The following PTDSS1 variants were observed in gnomAD, a reference collection of about 807,000 sequenced individuals.
PTDSS1 encodes the protein PSS-1.
Under a neutral mutation model 70.5 loss-of-function variants are expected in PTDSS1, and 45 were observed. The ratio of observed to expected loss-of-function variants is 0.64; its 90% CI spans 0.50 to 0.82. The LOEUF is 0.82. PTDSS1 is among the 40% of genes least tolerant of loss of function. PTDSS1 has a pLI of 0.00. For synonymous variants in PTDSS1, 188 were observed against 203.8 expected (o/e 0.92, Z 0.66); for missense variants, 417 against 586.1 (o/e 0.71, Z 2.98).
rs773518761 is a variant in PTDSS1 at position 96,262,990 on chromosome 8, T to C, written c.179+771T>C. Among the ~76,000 whole-genome samples, 30 of 152,204 alleles carry C rather than the reference T, an allele frequency of 2.0e-4. No homozygotes were observed. Among genetic ancestry groups the C allele is most frequent in the Admixed American group, 3.3e-4 (5 of 15,274 alleles). On this transcript the variant is annotated intron_variant, in intron 1 of 12. Coordinates refer to ENST00000517309, the MANE Select transcript of PTDSS1 (RefSeq NM_014754.3). This position sits in a 1 kb window ranked among gnomAD's most constrained non-coding sequence, Gnocchi z 4.4. ...GCCACACATCACGCGGTGCATACCC[T>C]GCTCACTCATTACCTAACATACGTG... is the stretch of plus-strand genomic sequence containing the variant.
intron 10 of PTDSS1, among the ~76,000 whole-genome samples, chr8:96,323,391 C>A (rs143985409): frequency 6.6e-6 from 1 of 152,220 alleles, no homozygotes; most frequent in Non-Finnish European, 1.5e-5. Context: ...GGCAGTTCGC[C>A]GCATCCTTTG....
intron 12 of PTDSS1, among the ~76,000 whole-genome samples, chr8:96,331,665 T>C (rs1490265519): frequency 6.6e-6 from 1 of 152,154 alleles, no homozygotes; most frequent in South Asian, 2.1e-4. Context: ...AGAGGCTCCA[T>C]GTAGCTCTGC....
chr8:96,327,999 C>T (rs73277991), intron 10 of PTDSS1, among the ~76,000 whole-genome samples: 189 of 152,300 alleles, frequency 1.2e-3, no homozygotes, highest in African/African-American at 4.2e-3. Context: ...TCTTTGTACG[C>T]AGGTGAAGTA....
At chr8:96,268,222 T>G (rs1810515167) in intron 1 of PTDSS1, among the ~76,000 whole-genome samples, 1 of 152,208 alleles carries the variant, frequency 6.6e-6, no homozygotes, top group Non-Finnish European at 1.5e-5. Flanking sequence ...GATCATAACT[T>G]TCTATAAAAT....
chr8:96,317,342 T>C (rs1318489876), intron 9 of PTDSS1, among the ~76,000 whole-genome samples: 1 of 152,092 alleles, frequency 6.6e-6, no homozygotes, highest in Non-Finnish European at 1.5e-5. Context: ...TCTCATGAGA[T>C]GTGCCCACAC....
At chr8:96,263,616 C>T (rs1324215347) in intron 1 of PTDSS1, among the ~76,000 whole-genome samples, 2 of 152,122 alleles carry the variant, frequency 1.3e-5, no homozygotes, top group African/African-American at 2.4e-5. Flanking sequence ...TATTTTTATC[C>T]AACAATCAAG....
At chr8:96,270,378 G>T (rs1810547834) in intron 1 of PTDSS1, among the ~76,000 whole-genome samples, 1 of 152,124 alleles carries the variant, frequency 6.6e-6, no homozygotes, top group African/African-American at 2.4e-5. Flanking sequence ...TAAATCTCTG[G>T]ATTATTCGGG....
Position 96,262,241 on chromosome 8 carries a change from G to C in PTDSS1, c.179+22G>C, listed in dbSNP as rs1461721219. 5 of 1,605,772 alleles carry C rather than the reference G, an allele frequency of 3.1e-6. No individual in the cohort carries two copies. Among genetic ancestry groups the C allele is most frequent in the Admixed American group, 1.7e-5 (1 of 59,456 alleles). ...CCAGGTGGGGCGGCCCAGCCGAGCG[G>C]GGGGCGCGTCCAAGGGCTAGGGAAG... On this transcript the variant is annotated intron_variant, in intron 1 of 12. Transcript: ENST00000517309. The surrounding 1 kb of genome is among the most constrained non-coding windows in gnomAD (Gnocchi z 4.4).
chr8:96,264,463 C>T (rs1810459026), intron 1 of PTDSS1, among the ~76,000 whole-genome samples: 1 of 152,082 alleles, frequency 6.6e-6, no homozygotes, highest in African/African-American at 2.4e-5. Flanking sequence ...GATAAAAGCA[C>T]TGGAAAAATG....
intron 9 of PTDSS1, among the ~76,000 whole-genome samples, chr8:96,315,735 C>T (rs996972701): frequency 6.6e-6 from 1 of 152,154 alleles, no homozygotes; most frequent in Non-Finnish European, 1.5e-5. Context: ...GCCTTTTAAC[C>T]CTGCTAAACC....
intron 12 of PTDSS1, among the ~76,000 whole-genome samples, chr8:96,333,076 C>T (rs932152428): frequency 1.3e-5 from 2 of 152,266 alleles, no homozygotes; most frequent in African/African-American, 4.8e-5. Context: ...GGGATGGAAA[C>T]CCTTGGTTGC....
At chr8:96,319,939 C>T (rs969900724) in intron 9 of PTDSS1, among the ~76,000 whole-genome samples, 5 of 152,138 alleles carry the variant, frequency 3.3e-5, no homozygotes, top group East Asian at 1.9e-4. Flanking sequence ...CCAGCAGAGG[C>T]GGCGTGATCA....
At chr8:96,320,054 A>C (rs1415529119) in intron 9 of PTDSS1, among the ~76,000 whole-genome samples, 192 bp from the exon 10 acceptor site, 1 of 152,182 alleles carries the variant, frequency 6.6e-6, no homozygotes, top group Non-Finnish European at 1.5e-5. Flanking sequence ...AAGAGGTGAA[A>C]AATACTTTAT....
At chr8:96,323,481 C>T (rs1377157183) in intron 10 of PTDSS1, among the ~76,000 whole-genome samples, 2 of 152,220 alleles carry the variant, frequency 1.3e-5, no homozygotes, top group East Asian at 3.9e-4. Flanking sequence ...ATGGACACCA[C>T]CATGGGTTAT....
intron 1 of PTDSS1, among the ~76,000 whole-genome samples, chr8:96,264,970 C>A (rs1810465967): frequency 6.6e-6 from 1 of 152,112 alleles, no homozygotes; most frequent in Admixed American, 6.5e-5. Flanking sequence ...AAATCATAAG[C>A]ACCATTAATA....
At chr8:96,327,835 G>GC (rs756332607) in intron 10 of PTDSS1, among the ~76,000 whole-genome samples, 28 of 151,896 alleles carry the variant, frequency 1.8e-4, no homozygotes, top group African/African-American at 3.9e-4. Context: ...GTTTCTTCTC[G>GC]CCCCCCCGCC....
intron 4 of PTDSS1, among the ~76,000 whole-genome samples, chr8:96,292,222 C>G (rs1810916676): frequency 6.7e-6 from 1 of 150,042 alleles, no homozygotes; most frequent in Non-Finnish European, 1.5e-5. Context: ...ATCATTTGAA[C>G]CCGGGAGGCG....
intron 6 of PTDSS1, among the ~76,000 whole-genome samples, chr8:96,302,129 C>G (rs1215588709): frequency 6.6e-6 from 1 of 152,106 alleles, no homozygotes; most frequent in South Asian, 2.1e-4. Context: ...AGCAGTTCTC[C>G]TGCATCAGCC....
At chr8:96,279,135 T>A (rs1171828085) in intron 2 of PTDSS1, among the ~76,000 whole-genome samples, 4 of 150,646 alleles carry the variant, frequency 2.7e-5, no homozygotes, top group African/African-American at 9.7e-5. Flanking sequence ...CACGCCCAGC[T>A]AATTTTTTTT....
Sources: allele counts gnomAD v4.1 joint callset (sites outside exome capture counted in the v4.1 genomes callset), GRCh38; gene constraint gnomAD v4.1.1; non-coding constraint Gnocchi (gnomAD v3.1); transcripts MANE v1.5; gene names NCBI Gene and HGNC (gene_info 2026-07-23, HGNC 2026-07-21).